Variants in STK33 observed in about 807,000 individuals in gnomAD.
STK33 encodes the protein serine/threonine kinase 33, also known as serine/threonine-protein kinase 33.
Under a neutral mutation model 58.0 loss-of-function variants are expected in STK33, and 52 were observed. The ratio of observed to expected loss-of-function variants is 0.90; its 90% CI spans 0.72 to 1.13. The LOEUF (loss-of-function observed/expected upper bound fraction) is 1.13, where lower values mean the gene tolerates loss of function less well. STK33 is among the 50% of genes most tolerant of loss of function. The pLI, the probability that STK33 is intolerant of heterozygous loss-of-function variation, is 0.00. For missense variants in STK33, 630 were observed against 604.2 expected (o/e 1.04, Z -0.45); for synonymous variants, 215 against 200.1 (o/e 1.07, Z -0.63).
chr11:8,365,959 C>G, the STK33 span, among the ~76,000 whole-genome samples: 1 of 152,248 alleles, frequency 6.6e-6, no homozygotes, highest in Non-Finnish European at 1.5e-5. Context: ...CTGTCTGTCT[C>G]GGTCTATTTC....
chr11:8,541,925 T>C (rs1232243401), intron 1 of STK33, among the ~76,000 whole-genome samples: 1 of 152,170 alleles, frequency 6.6e-6, no homozygotes, highest in African/African-American at 2.4e-5. Flanking sequence ...CAGACTATGT[T>C]TCACATCTCT....
the STK33 span, among the ~76,000 whole-genome samples, chr11:8,379,802 G>A: frequency 4.7e-4 from 71 of 152,034 alleles, no homozygotes; most frequent in East Asian, 9.7e-3. Flanking sequence ...ATAGGCCCCC[G>A]TGTCTGTGGT....
chr11:8,490,667 G>C (rs1406912566), intron 1 of STK33, among the ~76,000 whole-genome samples: 2 of 152,100 alleles, frequency 1.3e-5, no homozygotes, highest in African/African-American at 4.8e-5. Flanking sequence ...CTTCCAGTAG[G>C]GGGCTGATTG....
At chr11:8,413,891 T>G (rs906102951) in intron 14 of STK33, among the ~76,000 whole-genome samples, 199 bp from the exon 15 acceptor site, 2 of 152,194 alleles carry the variant, frequency 1.3e-5, no homozygotes, top group Non-Finnish European at 2.9e-5. Context: ...TTGCATGATA[T>G]CACGTGTAAT....
intron 1 of STK33, among the ~76,000 whole-genome samples, chr11:8,591,278 C>T (rs752026021): frequency 6.6e-6 from 1 of 152,284 alleles, no homozygotes; most frequent in East Asian, 1.9e-4. Flanking sequence ...TATTGGACAT[C>T]ACACTACTCA....
chr11:8,500,469 TCAATC>T (rs2139097675), intron 1 of STK33, among the ~76,000 whole-genome samples: 1 of 152,164 alleles, frequency 6.6e-6, no homozygotes, highest in African/African-American at 2.4e-5. Context: ...AGTAAACAAT[TCAATC>T]CAATAGTATA....
At chr11:8,494,943 C>T (rs1228591332) in intron 1 of STK33, among the ~76,000 whole-genome samples, 16 of 152,220 alleles carry the variant, frequency 1.1e-4, no homozygotes, top group Non-Finnish European at 1.9e-4. Flanking sequence ...CAAAAATTAA[C>T]TCAAGATGGA....
At chr11:8,483,341 C>T (rs546197489) in intron 1 of STK33, among the ~76,000 whole-genome samples, 9 of 152,098 alleles carry the variant, frequency 5.9e-5, no homozygotes, top group East Asian at 5.8e-4. Context: ...GAGAGAAAGT[C>T]GAGTCTCTCT....
chr11:8,355,403 G>C, the STK33 span, among the ~76,000 whole-genome samples: 1 of 152,246 alleles, frequency 6.6e-6, no homozygotes, highest in Non-Finnish European at 1.5e-5. Flanking sequence ...GGGGTTAGTG[G>C]CTACGGTACT....
At chr11:8,358,401 G>A in the STK33 span, among the ~76,000 whole-genome samples, 6,806 of 152,344 alleles carry the variant, frequency 0.045, 221 homozygotes, top group Non-Finnish European at 0.066. Flanking sequence ...GAGTGGGGGC[G>A]CCTTGTGCCT....
chr11:8,371,077 C>T, the STK33 span, among the ~76,000 whole-genome samples: 2 of 152,072 alleles, frequency 1.3e-5, no homozygotes, highest in African/African-American at 4.8e-5. Context: ...GGGCCTGGGG[C>T]AGAGGAGGAA....
chr11:8,352,233 AC>A, the STK33 span, among the ~76,000 whole-genome samples: 1 of 151,928 alleles, frequency 6.6e-6, no homozygotes, highest in Non-Finnish European at 1.5e-5. Flanking sequence ...TAGCAGGATG[AC>A]CCCCCAGGTA....
intron 14 of STK33, among the ~76,000 whole-genome samples, chr11:8,426,200 G>T (rs1942722626): frequency 6.6e-6 from 1 of 152,174 alleles, no homozygotes; most frequent in African/African-American, 2.4e-5. Context: ...AAGGGAGATG[G>T]AGTGGGAAGG....
intron 1 of STK33, among the ~76,000 whole-genome samples, chr11:8,521,873 A>G (rs1953478538): frequency 6.6e-6 from 1 of 152,262 alleles, no homozygotes; most frequent in South Asian, 2.1e-4. Flanking sequence ...GACACATGAA[A>G]AAAATCTCAT....
chr11:8,442,430 G>C (rs1944875897), intron 11 of STK33, among the ~76,000 whole-genome samples: 2 of 152,300 alleles, frequency 1.3e-5, no homozygotes, highest in South Asian at 4.1e-4. Flanking sequence ...CGCTCTTTCA[G>C]AGTCATCTTA....
At chr11:8,550,496 T>C (rs1956232013) in intron 1 of STK33, among the ~76,000 whole-genome samples, 2 of 152,192 alleles carry the variant, frequency 1.3e-5, no homozygotes, top group Non-Finnish European at 2.9e-5. Flanking sequence ...TGAACTTTCA[T>C]GCTTTGCTTC....
At chr11:8,585,468 A>G (rs948574653) in intron 1 of STK33, among the ~76,000 whole-genome samples, 1 of 148,790 alleles carries the variant, frequency 6.7e-6, no homozygotes, top group African/African-American at 2.5e-5. Flanking sequence ...CAGGTGATCC[A>G]CCCGCCTCAG....
chr11:8,519,886 G>C (rs1262915150), intron 1 of STK33, among the ~76,000 whole-genome samples: 1 of 152,214 alleles, frequency 6.6e-6, no homozygotes, highest in Middle Eastern at 3.4e-3. Context: ...AGGACCAGAC[G>C]GATTCACAGC....
At chr11:8,413,377 T>G in intron 15 of STK33, 118 bp downstream of exon 15, 1 of 1,095,886 alleles carries the variant, frequency 9.1e-7, no homozygotes, top group Non-Finnish European at 1.3e-6. Flanking sequence ...TTACTTGCTA[T>G]ATAACGCTCG....
Sources: gnomAD v4.1 joint callset for allele counts (sites outside exome capture counted in the v4.1 genomes callset) on GRCh38, gnomAD v4.1.1 for gene constraint, MANE v1.5 for transcripts, NCBI Gene and HGNC (gene_info 2026-07-23, HGNC 2026-07-21) for gene names.